The following ENOX2 variants were observed in gnomAD, a reference collection of about 807,000 sequenced individuals.
ENOX2 encodes ecto-NOX disulfide-thiol exchanger 2.
In ENOX2, 36 loss-of-function variants were observed where a neutral mutation model predicts 45.0. That is an observed-to-expected ratio of 0.80 (90% CI 0.61 to 1.06). The LOEUF (loss-of-function observed/expected upper bound fraction) is 1.06. ENOX2 is among the 50% of genes least tolerant of loss of function. ENOX2 has a pLI of 0.00. For missense variants in ENOX2, 423 were observed against 462.5 expected (o/e 0.91, Z 0.78); for synonymous variants, 174 against 152.3 (o/e 1.14, Z -1.05).
At chrX:130,719,155 C>T (rs2038406550) in intron 3 of ENOX2, among the ~76,000 whole-genome samples, 1 of 111,392 alleles carries the variant, frequency 9.0e-6, no homozygotes, top group South Asian at 3.8e-4. Context: ...AGCCACGTTT[C>T]CATTCTGCAA....
intron 4 of ENOX2, among the ~76,000 whole-genome samples, chrX:130,699,530 C>T (rs1423106354): frequency 8.9e-6 from 1 of 111,831 alleles, no homozygotes; most frequent in Non-Finnish European, 1.9e-5. Context: ...ATTACTGAGC[C>T]TTTGATGGGT....
At chrX:130,869,753 C>CAAGACT (rs1208347771) in intron 2 of ENOX2, among the ~76,000 whole-genome samples, 1 of 111,924 alleles carries the variant, frequency 8.9e-6, no homozygotes, top group African/African-American at 3.2e-5. Flanking sequence ...CACCATCCTT[C>CAAGACT]AAGACTCAGA....
chrX:130,831,299 G>A (rs973573287), intron 2 of ENOX2, among the ~76,000 whole-genome samples: 11 of 111,613 alleles, frequency 9.9e-5, no homozygotes, highest in African/African-American at 2.9e-4. Context: ...ATGAGTTTTG[G>A]AGGAGACATT....
chrX:130,884,723 TGA>T (rs369147801), intron 2 of ENOX2, among the ~76,000 whole-genome samples: 36 of 105,829 alleles, frequency 3.4e-4, no homozygotes, highest in Admixed American at 3.0e-4. Flanking sequence ...TGCTGATCTA[TGA>T]GAGAGAGAGA....
chrX:130,657,077 C>T (rs1205791169), intron 9 of ENOX2, among the ~76,000 whole-genome samples: 1 of 111,974 alleles, frequency 8.9e-6, no homozygotes, highest in Non-Finnish European at 1.9e-5. Flanking sequence ...GCTTGCCATT[C>T]TCTTCTCTGT....
intron 10 of ENOX2, among the ~76,000 whole-genome samples, chrX:130,641,352 A>T (rs1371714922): frequency 8.9e-6 from 1 of 111,979 alleles, no homozygotes; most frequent in Non-Finnish European, 1.9e-5. Context: ...ACAACCTAGA[A>T]TTCTGCACCC....
At chrX:130,809,775 G>A (rs2077362684) in intron 2 of ENOX2, among the ~76,000 whole-genome samples, 1 of 110,387 alleles carries the variant, frequency 9.1e-6, no homozygotes, top group African/African-American at 3.3e-5. Context: ...GTGCATGTGC[G>A]TGTGTGTATC....
intron 1 of ENOX2, among the ~76,000 whole-genome samples, chrX:130,901,958 C>A (rs2079149280): frequency 9.0e-6 from 1 of 111,630 alleles, no homozygotes; most frequent in African/African-American, 3.3e-5. Context: ...TCTCAAAGTC[C>A]AATCTCAGTA....
intron 4 of ENOX2, among the ~76,000 whole-genome samples, chrX:130,701,316 A>C (rs1569489349): frequency 9.1e-6 from 1 of 110,467 alleles, no homozygotes; most frequent in Non-Finnish European, 1.9e-5. Context: ...TGACTCAGGG[A>C]CACTCCACAA....
chrX:130,832,486 A>G (rs780717882), intron 2 of ENOX2, among the ~76,000 whole-genome samples: 9 of 108,949 alleles, frequency 8.3e-5, no homozygotes, highest in African/African-American at 3.0e-4. Context: ...TTGGGAACTG[A>G]CTTTTCTAAG....
At chrX:130,789,345 C>T (rs1395603733) in intron 2 of ENOX2, among the ~76,000 whole-genome samples, 1 of 112,321 alleles carries the variant, frequency 8.9e-6, no homozygotes, top group Admixed American at 9.5e-5. Context: ...TGTCCACTAT[C>T]AGGTCAAATT....
Position 130,853,894 on chromosome X carries a change from T to C in ENOX2, c.-183+47790A>G, listed in dbSNP as rs193192122. On this transcript the variant is annotated intron_variant, in intron 2 of 14. Transcript: ENST00000394363. ...AGGCTGAGTGGAGAGTCTGTATTTC[T>C]ACTTCCACATGGCAGTAATAAGGTA... 8.1e-5 allele frequency among the ~76,000 whole-genome samples: 9 copies of C among 111,655 alleles called. No homozygotes were observed. In the East Asian group the frequency reaches 2.5e-3, roughly 31 times the overall value.
At chrX:130,891,507 T>G (rs1321477237) in intron 2 of ENOX2, among the ~76,000 whole-genome samples, 1 of 95,168 alleles carries the variant, frequency 1.1e-5, no homozygotes, top group Non-Finnish European at 2.1e-5. Flanking sequence ...TTTTTTTTTT[T>G]TTTTTTTTTT....
chrX:130,881,756 A>C (rs745634315), intron 2 of ENOX2, among the ~76,000 whole-genome samples: 7 of 112,128 alleles, frequency 6.2e-5, no homozygotes, highest in Non-Finnish European at 1.9e-5. Context: ...GAGTATAGAA[A>C]AAAAAAATTA....
intron 6 of ENOX2, among the ~76,000 whole-genome samples, chrX:130,674,448 G>T (rs1456554384): frequency 9.3e-6 from 1 of 107,799 alleles, no homozygotes; most frequent in East Asian, 2.9e-4. Flanking sequence ...AGCACCAAAA[G>T]ACAGGGGAAG....
chrX:130,633,891 G>C (rs2035857115), intron 12 of ENOX2, among the ~76,000 whole-genome samples: 1 of 112,539 alleles, frequency 8.9e-6, no homozygotes, highest in African/African-American at 3.2e-5. Context: ...TTAAATGCTT[G>C]ATAAATGAAT....
chrX:130,758,127 T>C (rs1367612751), intron 3 of ENOX2, among the ~76,000 whole-genome samples: 1 of 112,001 alleles, frequency 8.9e-6, no homozygotes, highest in Non-Finnish European at 1.9e-5. Context: ...TCTTTACCCA[T>C]TTTCTCCCAA....
At chrX:130,653,409 C>T (rs2036459138) in intron 10 of ENOX2, among the ~76,000 whole-genome samples, 1 of 112,098 alleles carries the variant, frequency 8.9e-6, no homozygotes. Flanking sequence ...GGTTGGCATA[C>T]ATAGCCCTCC....
At position 130,743,473 on chromosome X, in the gene ENOX2, AT is replaced by A. The variant is rs144700742; in HGVS notation, c.-39+40073del. Among the ~76,000 whole-genome samples, 468 of 97,466 alleles carry A rather than the reference AT, an allele frequency of 4.8e-3. 3 individuals are homozygous for A. Among genetic ancestry groups the A allele is most frequent in the Middle Eastern group, 0.015 (3 of 200 alleles). 84.6% of individuals were successfully genotyped at this position (97,466 alleles called of 115,157 possible). A position where few individuals can be genotyped will look rare whatever the true frequency, so the allele number is the denominator to read the frequency against. On this transcript the variant is annotated intron_variant, in intron 3 of 14. Coordinates refer to ENST00000394363, the MANE Select transcript of ENOX2 (RefSeq NM_006375.4). ...GTTTGGAAACTATTTCCTATGAGGG[AT>A]TTTTTTTTTTTTTTTGAGAAAGAGT...
Sources: allele counts gnomAD v4.1 joint callset (sites outside exome capture counted in the v4.1 genomes callset), GRCh38; gene constraint gnomAD v4.1.1; transcripts MANE v1.5; gene names NCBI Gene and HGNC (gene_info 2026-07-23, HGNC 2026-07-21).